Variants in DIS3L2 observed in about 807,000 individuals in gnomAD.
DIS3L2 encodes the protein DIS3 like 3'-5' exoribonuclease 2.
DIS3L2 carries 34 observed loss-of-function variants against 97.5 expected under a neutral mutation model. The observed-to-expected ratio is 0.35, with a 90% CI of 0.27 to 0.46. The LOEUF (loss-of-function observed/expected upper bound fraction) is 0.46, where lower values mean the gene tolerates loss of function less well. DIS3L2 is among the 20% of genes least tolerant of loss of function. The pLI is 1.00. For missense variants in DIS3L2, 1,038 were observed against 1,146.0 expected (o/e 0.91, Z 1.36); for synonymous variants, 435 against 445.2 (o/e 0.98, Z 0.29).
intron 5 of DIS3L2, among the ~76,000 whole-genome samples, chr2:232,038,966 C>T (rs1162023663): frequency 1.3e-5 from 2 of 152,350 alleles, no homozygotes; most frequent in Middle Eastern, 3.4e-3. Flanking sequence ...ATCTGTTTAA[C>T]TAGCTCCTAC....
In DIS3L2 at chr2:232,293,261, G is replaced by C. The variant is rs952706707; in HGVS notation, c.1660-6779G>C. Among the ~76,000 whole-genome samples the C allele has an allele frequency of 5.9e-5, 9 of 152,170 alleles. No homozygotes were observed. Among genetic ancestry groups the C allele is most frequent in the African/African-American group, 1.9e-4 (8 of 41,428 alleles). ...CTGGTCATCTGGTGGCAATTACTGA[G>C]CAGGAGGCAGACGTGAGGCAGAATT... On this transcript the variant is annotated intron_variant, in intron 13 of 20. Transcript: ENST00000325385. This position sits in a 1 kb window ranked among gnomAD's most constrained non-coding sequence, Gnocchi z 4.6.
intron 15 of DIS3L2, among the ~76,000 whole-genome samples, chr2:232,330,213 G>T (rs569598221): frequency 6.6e-6 from 1 of 152,230 alleles, no homozygotes; most frequent in Non-Finnish European, 1.5e-5. Flanking sequence ...TGTGCCAAGC[G>T]GGGGGACCCT....
Position 232,334,466 on chromosome 2 carries a change from C to T in DIS3L2, c.2256C>T (p.Leu752=), listed in dbSNP as rs1403968401. The T allele has an allele frequency of 2.5e-6, 4 of 1,613,808 alleles. No individual in the cohort carries two copies. The South Asian group carries it at 3.3e-5, about 13-fold the overall frequency. ...TGGCGTCCAAGCGCGTGCAGGAGCT[C>T]AGTACCAGTCTCTTCTTTGCTGTTC... ...RRMASKRVQE[L]STSLFFAVLV... is the part of the protein sequence containing the mutation. The change falls in exon 18 of 21, where the codon CTC becomes CTT. Residue 752 remains leucine, a synonymous_variant. Coordinates refer to ENST00000325385, the MANE Select transcript of DIS3L2 (RefSeq NM_152383.5).
chr2:231,991,517 A>G (rs933213501), intron 1 of DIS3L2, among the ~76,000 whole-genome samples: 4 of 152,064 alleles, frequency 2.6e-5, no homozygotes, highest in African/African-American at 9.7e-5. Context: ...GGATCCTTCC[A>G]CCTCAGCCTC....
intron 5 of DIS3L2, among the ~76,000 whole-genome samples, chr2:232,047,768 T>C (rs1695282534): frequency 2.0e-5 from 3 of 152,372 alleles, no homozygotes; most frequent in South Asian, 4.1e-4. Context: ...ATCTGTTTTC[T>C]GTCTGTATGG....
intron 9 of DIS3L2, among the ~76,000 whole-genome samples, chr2:232,202,788 G>C (rs529637917): frequency 6.6e-6 from 1 of 152,330 alleles, no homozygotes; most frequent in African/African-American, 2.4e-5. Flanking sequence ...GACTTTTCCT[G>C]TTGTGAAAAA....
intron 11 of DIS3L2, among the ~76,000 whole-genome samples, chr2:232,240,564 G>A (rs1262843496): frequency 1.3e-5 from 2 of 152,180 alleles, no homozygotes; most frequent in Admixed American, 1.3e-4. Flanking sequence ...CTGAGCAGGG[G>A]GAATTCCGTA....
At chr2:232,247,573 A>G (rs1693285585) in intron 11 of DIS3L2, among the ~76,000 whole-genome samples, 1 of 124,912 alleles carries the variant, frequency 8.0e-6, no homozygotes, top group Non-Finnish European at 1.6e-5. Flanking sequence ...CTGTCTCTAT[A>G]TACGGTCACA....
chr2:232,312,432 T>G (rs536882683), intron 14 of DIS3L2, among the ~76,000 whole-genome samples: 2 of 152,366 alleles, frequency 1.3e-5, no homozygotes, highest in East Asian at 3.9e-4. Flanking sequence ...GATCTGTTTC[T>G]GCTCTCCATT....
At chr2:232,049,165 G>C (rs1373134099) in intron 5 of DIS3L2, among the ~76,000 whole-genome samples, 2 of 151,958 alleles carry the variant, frequency 1.3e-5, no homozygotes, top group African/African-American at 4.8e-5. Flanking sequence ...TATGTTATAG[G>C]ACATTTTAAT....
At chr2:232,148,753 T>TC (rs1553611306) in intron 8 of DIS3L2, among the ~76,000 whole-genome samples, 1 of 137,268 alleles carries the variant, frequency 7.3e-6, no homozygotes, top group African/African-American at 2.6e-5. Context: ...TCTTTCTTTT[T>TC]TTTTTTTTTT....
chr2:231,963,504 G>A (rs1004406145), intron 1 of DIS3L2, among the ~76,000 whole-genome samples: 1 of 152,200 alleles, frequency 6.6e-6, no homozygotes, highest in Non-Finnish European at 1.5e-5. Context: ...ACCTTTGTCA[G>A]ATGCATAGTT....
intron 5 of DIS3L2, among the ~76,000 whole-genome samples, chr2:232,068,125 G>A (rs538900067): frequency 6.6e-6 from 1 of 152,320 alleles, no homozygotes; most frequent in South Asian, 2.1e-4. Flanking sequence ...CACTGCAGAA[G>A]AAGGCAAGGA....
intron 1 of DIS3L2, among the ~76,000 whole-genome samples, chr2:231,984,684 C>G (rs1258784255): frequency 3.3e-5 from 5 of 152,052 alleles, no homozygotes; most frequent in Admixed American, 6.6e-5. Flanking sequence ...TGAGCCACCG[C>G]GCCCAGCCAA....
In DIS3L2 at chr2:232,056,174, C is replaced by A. The variant is rs371215185; in HGVS notation, c.366+26094C>A. On this transcript the variant is annotated intron_variant, in intron 5 of 20. Coordinates refer to ENST00000325385, the MANE Select transcript of DIS3L2 (RefSeq NM_152383.5). ...TCACCTGAGGTCAGGAGTTGGAGAC[C>A]AGCCTGGCCAACATGGTGAAACCCC... 6.3e-4 allele frequency among the ~76,000 whole-genome samples: 96 copies of A among 152,102 alleles called. 1 individual carries two copies. The East Asian group carries it at 0.011, about 17-fold the overall frequency.
At chr2:232,116,609 G>T (rs1267246007) in intron 6 of DIS3L2, among the ~76,000 whole-genome samples, 1 of 152,110 alleles carries the variant, frequency 6.6e-6, no homozygotes, top group Admixed American at 6.5e-5. Context: ...AGTAATGATG[G>T]TTATAACCTG....
chr2:232,237,823 T>C (rs545561550), intron 10 of DIS3L2, among the ~76,000 whole-genome samples: 1 of 152,104 alleles, frequency 6.6e-6, no homozygotes, highest in Non-Finnish European at 1.5e-5. Context: ...AGGCAGATCC[T>C]GTTAAGACTA....
chr2:232,088,690 G>A (rs183164434), intron 6 of DIS3L2, among the ~76,000 whole-genome samples: 4 of 152,132 alleles, frequency 2.6e-5, no homozygotes, highest in African/African-American at 9.6e-5. Context: ...TTCTCTGATT[G>A]AAATCTAAGC....
intron 5 of DIS3L2, among the ~76,000 whole-genome samples, chr2:232,069,096 C>G (rs183171464): frequency 6.6e-6 from 1 of 152,072 alleles, no homozygotes; most frequent in Non-Finnish European, 1.5e-5. Context: ...GGATTACATG[C>G]GTGAGCCACC....
Sources: allele counts gnomAD v4.1 joint callset (sites outside exome capture counted in the v4.1 genomes callset), GRCh38; gene constraint gnomAD v4.1.1; non-coding constraint Gnocchi (gnomAD v3.1); transcripts MANE v1.5; gene names NCBI Gene and HGNC (gene_info 2026-07-23, HGNC 2026-07-21).